Variants in SCP2 observed in about 807,000 individuals in gnomAD.
The protein encoded by SCP2 is sterol carrier protein 2.
Under a neutral mutation model 71.4 loss-of-function variants are expected in SCP2, and 48 were observed. The observed-to-expected ratio is 0.67, with a 90% CI of 0.53 to 0.86. SCP2 has a LOEUF of 0.86. Among genes scored for constraint, SCP2 ranks in the 40% least tolerant of loss-of-function variants. The pLI is 0.00. For synonymous variants in SCP2, 220 were observed against 218.1 expected, an observed-to-expected ratio of 1.01 and a Z score of -0.08; for missense variants, 560 against 655.6, an observed-to-expected ratio of 0.85 and a Z score of 1.59.
intron 12 of SCP2, among the ~76,000 whole-genome samples, chr1:53,026,042 T>C (rs1662107647): frequency 6.6e-6 from 1 of 152,212 alleles, no homozygotes; most frequent in Non-Finnish European, 1.5e-5. Context: ...GCTCCTTTTC[T>C]TCCTTTAATA....
chr1:52,943,775 C>T (rs762929128), intron 2 of SCP2: 12 of 443,272 alleles, frequency 2.7e-5, no homozygotes, highest in Non-Finnish European at 5.4e-5. Context: ...CTGATAACGT[C>T]TGATTTCACC....
At chr1:52,943,932 G>A in intron 2 of SCP2, 1 of 385,878 alleles carries the variant, frequency 2.6e-6, no homozygotes, top group Non-Finnish European at 5.1e-6. Flanking sequence ...TACTAGCCAT[G>A]GTATAGAGAC....
chr1:52,955,929 C>T (rs986435851), intron 5 of SCP2, among the ~76,000 whole-genome samples: 14 of 150,562 alleles, frequency 9.3e-5, no homozygotes, highest in African/African-American at 2.9e-4. Context: ...GCTTGGGAAC[C>T]GCTTTAGGCT....
chr1:53,004,020 A>G (rs1660477352), intron 11 of SCP2, among the ~76,000 whole-genome samples: 1 of 152,084 alleles, frequency 6.6e-6, no homozygotes, highest in Non-Finnish European at 1.5e-5. Context: ...TAAACTAAGG[A>G]TGACTTGAAC....
intron 14 of SCP2, among the ~76,000 whole-genome samples, chr1:53,042,540 G>A (rs1663514076): frequency 1.3e-5 from 2 of 152,106 alleles, no homozygotes; most frequent in Admixed American, 1.3e-4. Context: ...GGGAAGGATA[G>A]TTTCTGCTGA....
intron 10 of SCP2, among the ~76,000 whole-genome samples, chr1:52,984,721 G>C (rs563058133): frequency 3.7e-4 from 56 of 151,088 alleles, no homozygotes; most frequent in African/African-American, 1.3e-3. Flanking sequence ...ATTTTTAGTA[G>C]AGACGGGGTT....
intron 14 of SCP2, among the ~76,000 whole-genome samples, chr1:53,040,614 A>G (rs545454907): frequency 6.6e-6 from 1 of 152,196 alleles, no homozygotes; most frequent in East Asian, 1.9e-4. Flanking sequence ...CCAGCTACTC[A>G]GGAGGCTGAG....
chr1:52,993,216 A>G (rs1659654199), intron 11 of SCP2: 4 of 1,614,170 alleles, frequency 2.5e-6, no homozygotes, highest in Non-Finnish European at 2.5e-6. Flanking sequence ...ACACAATGGC[A>G]GCCTTTCTTG....
intron 8 of SCP2, among the ~76,000 whole-genome samples, chr1:52,977,799 A>G (rs1282546420): frequency 1.3e-5 from 2 of 152,152 alleles, no homozygotes; most frequent in Non-Finnish European, 2.9e-5. Flanking sequence ...CGTCTCTACT[A>G]AAAATACAAA....
At chr1:53,047,169 C>T (rs1663873346) in intron 14 of SCP2, among the ~76,000 whole-genome samples, 1 of 152,244 alleles carries the variant, frequency 6.6e-6, no homozygotes. Flanking sequence ...TCCTAACGGC[C>T]AGTTCCCTGC....
intron 11 of SCP2, among the ~76,000 whole-genome samples, chr1:53,011,381 A>G (rs1273391477): frequency 6.6e-6 from 1 of 152,194 alleles, no homozygotes; most frequent in East Asian, 1.9e-4. Flanking sequence ...TAACGTCCTT[A>G]TCTTTGTTAG....
chr1:53,035,624 A>G (rs1168781467), intron 13 of SCP2, among the ~76,000 whole-genome samples: 1 of 152,170 alleles, frequency 6.6e-6, no homozygotes, highest in African/African-American at 2.4e-5. Context: ...AGCCAAGAAT[A>G]TTTGGAAGAG....
intron 11 of SCP2, among the ~76,000 whole-genome samples, chr1:53,007,365 A>T (rs887100878): frequency 2.9e-4 from 44 of 152,220 alleles, no homozygotes; most frequent in African/African-American, 9.9e-4. Flanking sequence ...AAAATTGACC[A>T]TGTAGTTGGA....
At chr1:52,960,538 G>GTATA (rs1656275696) in intron 5 of SCP2, among the ~76,000 whole-genome samples, 1 of 143,350 alleles carries the variant, frequency 7.0e-6, no homozygotes, top group African/African-American at 2.6e-5. Flanking sequence ...GTATATATAT[G>GTATA]TATGTATATA....
At chr1:52,991,403 T>C (rs958484734) in intron 11 of SCP2, among the ~76,000 whole-genome samples, 3 of 141,892 alleles carry the variant, frequency 2.1e-5, no homozygotes, top group Admixed American at 1.3e-4. Context: ...TTTTCTTTTT[T>C]CTTTTTTTTT....
At chr1:52,956,196 C>T (rs559355043) in intron 5 of SCP2, among the ~76,000 whole-genome samples, 11 of 152,040 alleles carry the variant, frequency 7.2e-5, no homozygotes, top group African/African-American at 2.2e-4. Context: ...CCCAGCTACT[C>T]GGGAGGCTGA....
In SCP2 at chr1:52,955,108, G is replaced by A. The variant is rs148638612; in HGVS notation, c.396+304G>A. 9.9e-5 allele frequency among the ~76,000 whole-genome samples: 15 copies of A among 152,190 alleles called. No individual in the cohort carries two copies. The East Asian group carries it at 2.9e-3, about 29-fold the overall frequency. ...AATTGAAGAGAGTTAATAAAATGTG[G>A]GACTTCTGATTCTGGTAATGGCAAG... is the stretch of plus-strand genomic sequence containing the variant. On this transcript the variant is annotated intron_variant, in intron 5 of 15. Coordinates refer to ENST00000371514, the MANE Select transcript of SCP2 (RefSeq NM_002979.5).
intron 12 of SCP2, among the ~76,000 whole-genome samples, chr1:53,020,543 C>T (rs1170444461): frequency 1.3e-5 from 2 of 152,144 alleles, no homozygotes; most frequent in Non-Finnish European, 2.9e-5. Context: ...AAGCAGTCTG[C>T]CCACCTCAGC....
At chr1:53,017,714 A>G (rs1489309781) in intron 12 of SCP2, among the ~76,000 whole-genome samples, 1 of 152,224 alleles carries the variant, frequency 6.6e-6, no homozygotes, top group Non-Finnish European at 1.5e-5. Flanking sequence ...GTTAAATTAG[A>G]AGTAAAAATT....
Sources: allele counts gnomAD v4.1 joint callset (sites outside exome capture counted in the v4.1 genomes callset), GRCh38; gene constraint gnomAD v4.1.1; transcripts MANE v1.5; gene names NCBI Gene and HGNC (gene_info 2026-07-23, HGNC 2026-07-21).